PCSK5: variants seen among roughly 807,000 people sequenced by gnomAD.
PCSK5 encodes the protein proprotein convertase subtilisin/kexin type 5.
A neutral mutation model predicts 233.2 loss-of-function variants in PCSK5; 129 were observed. The ratio of observed to expected loss-of-function variants is 0.55; its 90% CI spans 0.48 to 0.64. The LOEUF is 0.64. PCSK5 is among the 30% of genes least tolerant of loss of function. The pLI, the probability that PCSK5 is intolerant of heterozygous loss-of-function variation, is 0.00. For missense variants in PCSK5, 2,076 were observed against 2,430.1 expected (o/e 0.85, Z 3.06); for synonymous variants, 825 against 879.2 (o/e 0.94, Z 1.09).
chr9:75,904,322 T>C (rs1472187975), intron 1 of PCSK5, among the ~76,000 whole-genome samples: 2 of 152,200 alleles, frequency 1.3e-5, no homozygotes, highest in African/African-American at 2.4e-5. Flanking sequence ...AAAATAGTTG[T>C]TGAGGGACAC....
chr9:76,064,015 C>T (rs1182000841), intron 5 of PCSK5, among the ~76,000 whole-genome samples: 2 of 93,390 alleles, frequency 2.1e-5, no homozygotes, highest in Non-Finnish European at 4.1e-5. Context: ...GGGCTGACCC[C>T]CCCACCTCCC....
intron 36 of PCSK5, among the ~76,000 whole-genome samples, chr9:76,352,474 G>T (rs996970559): frequency 6.6e-6 from 1 of 152,002 alleles, no homozygotes; most frequent in Admixed American, 6.6e-5. Context: ...ATTTTACCCA[G>T]CCCCTATTCA....
At chr9:76,219,115 C>T (rs1825639915) in intron 20 of PCSK5, among the ~76,000 whole-genome samples, 1 of 152,186 alleles carries the variant, frequency 6.6e-6, no homozygotes, top group South Asian at 2.1e-4. Flanking sequence ...GAGCCCCAGG[C>T]CTTGGTATGC....
rs376323136 is a variant in PCSK5 at position 76,064,586 on chromosome 9, C to T, written c.633-3369C>T. Among the ~76,000 whole-genome samples the T allele has an allele frequency of 7.8e-4, 112 of 143,984 alleles. 1 individual carries two copies. The East Asian group carries it at 0.018, about 23-fold the overall frequency. 94.5% of individuals were successfully genotyped at this position (143,984 alleles called of 152,430 possible). A position where few individuals can be genotyped will look rare whatever the true frequency, so the allele number is the denominator to read the frequency against. Reference sequence around the variant, plus strand: ...CTCACTTCCCAGATGGGGTGGCTGCCGGGCGGAGAGGCTCCTCACTTCTCA... The same window carrying T: ...CTCACTTCCCAGATGGGGTGGCTGCTGGGCGGAGAGGCTCCTCACTTCTCA... On this transcript the variant is annotated intron_variant, in intron 5 of 37. Transcript: ENST00000674117.
chr9:75,952,975 A>G (rs1225529224), intron 2 of PCSK5, among the ~76,000 whole-genome samples: 1 of 152,078 alleles, frequency 6.6e-6, no homozygotes, highest in African/African-American at 2.4e-5. Context: ...AGGGGTATGA[A>G]CTCTGTGATT....
At chr9:76,297,799 G>A (rs185101086) in intron 27 of PCSK5, among the ~76,000 whole-genome samples, 1 of 152,262 alleles carries the variant, frequency 6.6e-6, no homozygotes, top group Admixed American at 6.5e-5. Context: ...TGTGCTAAGG[G>A]CTCGAGGGAG....
At chr9:76,077,999 G>C (rs7865073) in intron 7 of PCSK5, among the ~76,000 whole-genome samples, 18,170 of 152,160 alleles carry the variant, frequency 0.12, 1,666 homozygotes, top group African/African-American at 0.25. Flanking sequence ...TTCCACAGAT[G>C]GTATCCTATA....
intron 1 of PCSK5, among the ~76,000 whole-genome samples, chr9:75,911,731 G>A (rs1822748685): frequency 6.6e-6 from 1 of 152,094 alleles, no homozygotes; most frequent in African/African-American, 2.4e-5. Context: ...GCTGGCTTGG[G>A]TTATGGAGAG....
At chr9:76,322,630 T>C (rs971597613) in intron 31 of PCSK5, among the ~76,000 whole-genome samples, 3 of 152,262 alleles carry the variant, frequency 2.0e-5, no homozygotes, top group East Asian at 1.9e-4. Flanking sequence ...ACCTGATCAA[T>C]GAATGAAAAG....
At chr9:76,105,182 A>G (rs1316773824) in intron 8 of PCSK5, among the ~76,000 whole-genome samples, 4 of 152,234 alleles carry the variant, frequency 2.6e-5, no homozygotes, top group Non-Finnish European at 4.4e-5. Flanking sequence ...ATGTGGCATA[A>G]TGGAATATAC....
At chr9:76,115,153 A>G (rs1000348878) in intron 9 of PCSK5, among the ~76,000 whole-genome samples, 1 of 152,038 alleles carries the variant, frequency 6.6e-6, no homozygotes, top group African/African-American at 2.4e-5. Context: ...GATTCTGGAG[A>G]TTAGAAGCTG....
At chr9:76,030,022 G>A (rs1037722785) in intron 5 of PCSK5, among the ~76,000 whole-genome samples, 3 of 151,996 alleles carry the variant, frequency 2.0e-5, no homozygotes, top group African/African-American at 7.2e-5. Flanking sequence ...GAGAAATTAG[G>A]TAGAGAGAAA....
chr9:76,233,515 G>T lies in PCSK5; in HGVS notation c.2785G>T (p.Glu929Ter). ...SNCPSWKFEF[E>*]NQCHPCHHTC... The stretch of plus-strand genomic sequence containing the variant: ...CTGCCCCTCATGGAAATTTGAATTT[G>T]AGAACCAATGCCATCCATGCCACCA... Residue 929 changes from glutamate (E) to a stop codon, truncating the protein, a stop_gained, in exon 22 of 38, where the codon GAG (glutamate) becomes TAG (stop). Coordinates refer to ENST00000674117, the MANE Select transcript of PCSK5 (RefSeq NM_001372043.1). LOFTEE classifies it high-confidence loss of function. 6.2e-7 allele frequency: 1 copy of T among 1,612,686 alleles called. No individual in the cohort carries two copies. Among genetic ancestry groups the T allele is most frequent in the Admixed American group, 1.7e-5 (1 of 60,012 alleles).
intron 22 of PCSK5, among the ~76,000 whole-genome samples, chr9:76,234,993 T>C (rs750094281): frequency 2.6e-5 from 4 of 152,188 alleles, no homozygotes; most frequent in Non-Finnish European, 4.4e-5. Context: ...ATCAGCAACC[T>C]GGGAACGCTG....
chr9:76,171,815 C>T (rs1268507585), intron 13 of PCSK5, among the ~76,000 whole-genome samples: 4 of 152,202 alleles, frequency 2.6e-5, no homozygotes, highest in Non-Finnish European at 5.9e-5. Flanking sequence ...AATGCTATTA[C>T]TGGCCTGGAG....
chr9:76,116,468 C>A (rs1564036414), intron 9 of PCSK5, among the ~76,000 whole-genome samples: 1 of 152,078 alleles, frequency 6.6e-6, no homozygotes, highest in Non-Finnish European at 1.5e-5. Context: ...GTAGTATCAT[C>A]CCTACCAGTA....
At chr9:76,315,490 G>A (rs866734507) in intron 30 of PCSK5, among the ~76,000 whole-genome samples, 5 of 152,052 alleles carry the variant, frequency 3.3e-5, no homozygotes, top group Non-Finnish European at 7.4e-5. Flanking sequence ...TGAATTTAAC[G>A]ATTTAGTACA....
At chr9:76,226,918 A>AAGAT in intron 20 of PCSK5, among the ~76,000 whole-genome samples, 2 of 152,308 alleles carry the variant, frequency 1.3e-5, no homozygotes, top group South Asian at 4.1e-4. Flanking sequence ...TTCCTTGGGA[A>AAGAT]AGATAAAATT....
At chr9:75,956,808 CCT>C (rs1395140925) in intron 2 of PCSK5, among the ~76,000 whole-genome samples, 1 of 151,908 alleles carries the variant, frequency 6.6e-6, no homozygotes, top group East Asian at 1.9e-4. Flanking sequence ...TCTATTTCTA[CCT>C]CTTTTTGTTC....
Sources: gnomAD v4.1 joint callset for allele counts (sites outside exome capture counted in the v4.1 genomes callset) on GRCh38, gnomAD v4.1.1 for gene constraint, MANE v1.5 for transcripts, NCBI Gene and HGNC (gene_info 2026-07-23, HGNC 2026-07-21) for gene names.